The following GJC1 variants were observed in gnomAD, a reference collection of about 807,000 sequenced individuals.
GJC1 encodes gap junction protein gamma 1, also known as gap junction gamma-1 protein.
A neutral mutation model predicts 29.3 loss-of-function variants in GJC1; 5 were observed. The ratio of observed to expected loss-of-function variants is 0.17; its 90% confidence interval spans 0.09 to 0.36. The LOEUF (loss-of-function observed/expected upper bound fraction) is 0.36. Among genes scored for constraint, GJC1 ranks in the 10% least tolerant of loss-of-function variants. The pLI, the probability that GJC1 is intolerant of heterozygous loss-of-function variation, is 1.00. For synonymous variants in GJC1, 177 were observed against 183.3 expected (o/e 0.97, Z 0.28); for missense variants, 310 against 496.2 (o/e 0.62, Z 3.56).
rs1175966846 is a variant in GJC1 at position 44,830,052 on chromosome 17, C to T, written c.-97+10G>A. The T allele has an allele frequency of 6.6e-6, 1 of 152,252 alleles. No individual in the cohort carries two copies. Among genetic ancestry groups the T allele is most frequent in the Non-Finnish European group, 1.5e-5 (1 of 68,076 alleles). The allele number at this position is 152,252 out of a possible 1,614,324, so 9.4% of individuals were successfully genotyped here. A position where few individuals can be genotyped will look rare whatever the true frequency, so the allele number is the denominator to read the frequency against. On this transcript the variant is annotated intron_variant, in intron 1 of 2. Coordinates refer to ENST00000592524, the MANE Select transcript of GJC1 (RefSeq NM_005497.4). This position sits in a 1 kb window ranked among gnomAD's most constrained non-coding sequence, Gnocchi z 4.3. ...GCTTCTCCTCAGCCGGCCCTGCGGC[C>T]GCCCCTCACCCGGCGGCGGGTTCCC...
intron 1 of GJC1, chr17:44,829,375 C>T (rs1387533551): frequency 6.6e-6 from 1 of 151,890 alleles, no homozygotes; most frequent in Non-Finnish European, 1.5e-5. Context: ...CTTAAGGAAA[C>T]ACACACACAC....
intron 1 of GJC1, chr17:44,829,695 G>C (rs1183902408): frequency 6.6e-6 from 1 of 152,012 alleles, no homozygotes; most frequent in African/African-American, 2.4e-5. Flanking sequence ...GGTAGTTGTC[G>C]GCACCGCCGG....
chr17:44,813,938 T>C (rs930753896), intron 1 of GJC1, among the ~76,000 whole-genome samples: 4 of 152,172 alleles, frequency 2.6e-5, no homozygotes, highest in African/African-American at 9.6e-5. Flanking sequence ...GGCAGCTATG[T>C]ATTAACAAAG....
At chr17:44,817,941 G>A (rs550849657) in intron 1 of GJC1, among the ~76,000 whole-genome samples, 6 of 152,132 alleles carry the variant, frequency 3.9e-5, no homozygotes, top group East Asian at 3.9e-4. Context: ...GGCCAGGCGC[G>A]GTGGCTCATG....
intron 1 of GJC1, among the ~76,000 whole-genome samples, chr17:44,820,948 G>A (rs2050098901): frequency 6.6e-6 from 1 of 152,300 alleles, no homozygotes; most frequent in South Asian, 2.1e-4. Flanking sequence ...AAAACAACTT[G>A]TTTTCAAAAG....
chr17:44,812,615 C>T (rs1056536586), intron 1 of GJC1, among the ~76,000 whole-genome samples: 3 of 151,846 alleles, frequency 2.0e-5, no homozygotes, highest in Admixed American at 6.6e-5. Flanking sequence ...TTCCAAATAA[C>T]ACTAATTTAC....
chr17:44,797,266 C>T (rs555389842), downstream of GJC1, among the ~76,000 whole-genome samples: 3 of 152,060 alleles, frequency 2.0e-5, no homozygotes, highest in East Asian at 3.9e-4. Flanking sequence ...CCACCATGGC[C>T]GGCTAATTTT....
At chr17:44,806,829 G>A (rs1233707354) in intron 2 of GJC1, among the ~76,000 whole-genome samples, 1 of 151,990 alleles carries the variant, frequency 6.6e-6, no homozygotes, top group Non-Finnish European at 1.5e-5. Context: ...GGACACCTCG[G>A]TTGGACTCCA....
At chr17:44,809,356 A>C (rs1194825327) in intron 1 of GJC1, among the ~76,000 whole-genome samples, 1 of 152,336 alleles carries the variant, frequency 6.6e-6, no homozygotes, top group East Asian at 1.9e-4. Context: ...TAAAACCTCA[A>C]AACAAGAAGT....
Position 44,805,366 on chromosome 17 carries a change from T to C in GJC1, c.452A>G (p.Glu151Gly). The C allele has an allele frequency of 6.2e-7, 1 of 1,614,194 alleles. No homozygotes were observed. Among genetic ancestry groups the C allele is most frequent in the Non-Finnish European group, 8.5e-7 (1 of 1,180,032 alleles). Residue 151 changes from glutamate (E) to glycine (G), a missense_variant, in exon 3 of 3, where the codon GAA becomes GGA. This residue lies in a region of GJC1 where 82 missense variants were observed against 100.7 expected (regional missense o/e 0.81). Coordinates refer to ENST00000592524, the MANE Select transcript of GJC1 (RefSeq NM_005497.4). The surrounding 1 kb of genome is among the most constrained non-coding windows in gnomAD (Gnocchi z 5.1). ...YPEMELESDK[E>G]NKEQSQPKPK... ...TTTGGGTTGGCTCTGCTCTTTATTT[T>C]CCTTATCACTTTCTAACTCCATCTC...
At chr17:44,822,183 C>T (rs1332394640) in intron 1 of GJC1, among the ~76,000 whole-genome samples, 1 of 107,562 alleles carries the variant, frequency 9.3e-6, no homozygotes, top group Admixed American at 1.4e-4. Flanking sequence ...GGAGACAGAT[C>T]GAGACTCCGT....
At chr17:44,815,220 C>T (rs1306733750) in intron 1 of GJC1, among the ~76,000 whole-genome samples, 2 of 152,102 alleles carry the variant, frequency 1.3e-5, no homozygotes, top group East Asian at 1.9e-4. Context: ...CTTGCTGTCA[C>T]CCAGGCTGGA....
intron 1 of GJC1, among the ~76,000 whole-genome samples, chr17:44,828,271 T>C (rs747247035): frequency 2.6e-5 from 4 of 152,220 alleles, no homozygotes; most frequent in Non-Finnish European, 4.4e-5. Flanking sequence ...CCTGCATGAA[T>C]TGATTACAGA....
rs1273310420 is a variant in GJC1 at position 44,813,936 on chromosome 17, T to A, written c.-96-6467A>T. 3.3e-5 allele frequency among the ~76,000 whole-genome samples: 5 copies of A among 152,158 alleles called. No individual in the cohort carries two copies. The East Asian group carries it at 9.6e-4, about 29-fold the overall frequency. ...AGGCAAGCCCCCTCCCTGGCAGCTATGTATTAACAAAGCATTAAGGATTGG... is the reference window on the plus strand; with the variant it reads ...AGGCAAGCCCCCTCCCTGGCAGCTAAGTATTAACAAAGCATTAAGGATTGG... On this transcript the variant is annotated intron_variant, in intron 1 of 2. Transcript: ENST00000592524.
chr17:44,804,667 C>A lies in GJC1; in HGVS notation c.1151G>T (p.Ser384Ile). The change falls in exon 3 of 3, where the codon AGT becomes ATT. Residue 384 changes from serine to isoleucine, a missense_variant. By Grantham distance (142) the Ser-to-Ile change is moderately radical. Coordinates refer to ENST00000592524, the MANE Select transcript of GJC1 (RefSeq NM_005497.4). ...SKAGSNKSTA[S>I]SKSGDGKTSV... is the part of the protein sequence containing the mutation. Reference sequence around the variant, plus strand: ...GGTCTTCCCATCCCCTGATTTGCTACTGGCAGTGCTTTTGTTGGACCCAGC... The same window carrying A: ...GGTCTTCCCATCCCCTGATTTGCTAATGGCAGTGCTTTTGTTGGACCCAGC... 5.0e-6 allele frequency: 8 copies of A among 1,613,998 alleles called. No homozygotes were observed. Among genetic ancestry groups the A allele is most frequent in the Non-Finnish European group, 6.8e-6 (8 of 1,179,908 alleles).
In GJC1 at chr17:44,800,132, T is replaced by G. The variant is rs114122752; in HGVS notation, c.*4495A>C. 1 of 152,140 alleles carries G rather than the reference T, an allele frequency of 6.6e-6. No individual in the cohort carries two copies. Among genetic ancestry groups the G allele is most frequent in the African/African-American group, 2.4e-5 (1 of 41,430 alleles). The allele number at this position is 152,140 out of a possible 1,614,324, so 9.4% of individuals were successfully genotyped here. On this transcript the variant is annotated 3_prime_UTR_variant, in exon 3 of 3. Transcript: ENST00000592524. ...CTTTATTATTACTATGAATTTTTTT[T>G]TGAGAGTTTCACTCGTTGCCCAGGC...
At chr17:44,828,310 T>A (rs2050196989) in intron 1 of GJC1, among the ~76,000 whole-genome samples, 1 of 152,218 alleles carries the variant, frequency 6.6e-6, no homozygotes, top group African/African-American at 2.4e-5. Context: ...TGCTCCTTTT[T>A]AAGAGAACTG....
At chr17:44,820,637 AT>A (rs1171960257) in intron 1 of GJC1, among the ~76,000 whole-genome samples, 2 of 152,218 alleles carry the variant, frequency 1.3e-5, no homozygotes, top group African/African-American at 4.8e-5. Flanking sequence ...AAAAATTTCA[AT>A]ATTGACTCAC....
rs960655519 is a variant in GJC1, at chr17:44,803,678, C to T, written c.*949G>A. The stretch of plus-strand genomic sequence containing the variant: ...ATCCACCACTGGCTTCTTAACCAGA[C>T]GGAAGCGGGCAGGTTTCTGGATAGA... On this transcript the variant is annotated 3_prime_UTR_variant, in exon 3 of 3. Coordinates refer to ENST00000592524, the MANE Select transcript of GJC1 (RefSeq NM_005497.4). The T allele has an allele frequency of 7.9e-5, 12 of 152,276 alleles. No individual in the cohort carries two copies. Among genetic ancestry groups the T allele is most frequent in the South Asian group, 6.2e-4 (3 of 4,830 alleles). The allele number at this position is 152,276 out of a possible 1,614,324, so 9.4% of individuals were successfully genotyped here. A position where few individuals can be genotyped will look rare whatever the true frequency, so the allele number is the denominator to read the frequency against.
Sources: allele counts gnomAD v4.1 joint callset (sites outside exome capture counted in the v4.1 genomes callset), GRCh38; gene constraint gnomAD v4.1.1; regional missense constraint gnomAD v4.1.1; non-coding constraint Gnocchi (gnomAD v3.1); transcripts MANE v1.5; gene names NCBI Gene and HGNC (gene_info 2026-07-23, HGNC 2026-07-21).